Variants in DFFB observed in about 807,000 individuals in gnomAD.
DFFB encodes DNA fragmentation factor 40 kDa subunit.
In DFFB, 29 loss-of-function variants were observed where a neutral mutation model predicts 32.7. That is an observed-to-expected ratio of 0.89 (90% CI 0.66 to 1.21). DFFB has a LOEUF of 1.21. Among genes scored for constraint, DFFB ranks in the 50% most tolerant of loss-of-function variants. The pLI, the probability that DFFB is intolerant of heterozygous loss-of-function variation, is 0.00. For missense variants in DFFB, 398 were observed against 440.6 expected, an observed-to-expected ratio of 0.90 and a Z score of 0.87; for synonymous variants, 170 against 177.1, an observed-to-expected ratio of 0.96 and a Z score of 0.32.
chr1:3,866,894 C>A (rs1333087643), intron 3 of DFFB, among the ~76,000 whole-genome samples: 1 of 152,060 alleles, frequency 6.6e-6, no homozygotes, highest in Non-Finnish European at 1.5e-5. Flanking sequence ...TAGCGTATAT[C>A]AAAAGTTCTT....
intron 6 of DFFB, among the ~76,000 whole-genome samples, chr1:3,877,257 G>A (rs1384135184): frequency 6.6e-6 from 1 of 150,632 alleles, no homozygotes; most frequent in African/African-American, 2.5e-5. Flanking sequence ...ATTTGTTCGT[G>A]TCTCTTTTGT....
intron 6 of DFFB, among the ~76,000 whole-genome samples, chr1:3,882,912 T>C (rs544308656): frequency 6.6e-5 from 10 of 152,096 alleles, no homozygotes; most frequent in African/African-American, 1.9e-4. Flanking sequence ...GTTAAGCCAG[T>C]TGTTGATGGT....
intron 2 of DFFB, among the ~76,000 whole-genome samples, chr1:3,863,350 C>G (rs1644914100): frequency 6.6e-6 from 1 of 152,154 alleles, no homozygotes. Context: ...ACTTCACACC[C>G]ACTAGGATAA....
intron 6 of DFFB, among the ~76,000 whole-genome samples, chr1:3,876,097 T>C (rs1186128016): frequency 6.6e-6 from 1 of 152,220 alleles, no homozygotes; most frequent in Non-Finnish European, 1.5e-5. Flanking sequence ...TTTTCAGTGT[T>C]AATGTGCTCA....
At chr1:3,883,203 C>T (rs1485931457) in intron 6 of DFFB, among the ~76,000 whole-genome samples, 1 of 152,134 alleles carries the variant, frequency 6.6e-6, no homozygotes. Context: ...TGGGGTTTCA[C>T]TATGTTGGCC....
rs978966260 is a variant in DFFB, at chr1:3,866,662, C to T, written c.430+662C>T. On this transcript the variant is annotated intron_variant, in intron 3 of 6. Coordinates refer to ENST00000378209, the MANE Select transcript of DFFB (RefSeq NM_004402.4). The stretch of plus-strand genomic sequence containing the variant: ...TCACATTGTATGCGGCCATCCCCAC[C>T]GTCATCTCCGGAACTCCTTCCACCT... Among the ~76,000 whole-genome samples, 9 of 152,298 alleles carry T rather than the reference C, an allele frequency of 5.9e-5. No homozygotes were observed. In the East Asian group the frequency reaches 9.6e-4, roughly 16 times the overall value.
At chr1:3,877,431 C>T (rs1299026139) in intron 6 of DFFB, among the ~76,000 whole-genome samples, 6 of 149,102 alleles carry the variant, frequency 4.0e-5, no homozygotes, top group Non-Finnish European at 8.9e-5. Context: ...CAGGTTCAAG[C>T]GGTTTTTCAT....
intron 3 of DFFB, chr1:3,867,521 G>A (rs1645008607): frequency 6.3e-6 from 1 of 157,510 alleles, no homozygotes; most frequent in South Asian, 1.8e-4. Flanking sequence ...AAACCAAACA[G>A]GGATGCTGTC....
rs1050142871 is a variant in DFFB at position 3,876,025 on chromosome 1, A to C, written c.782+3453A>C. Among the ~76,000 whole-genome samples, 2 of 152,108 alleles carry C rather than the reference A, an allele frequency of 1.3e-5. 1 individual carries two copies. ...AACTCTGACCTCAGGTGATCTGCCCACCTTGGCTTTCCAAAGTGCTGAGAT... is the reference window on the plus strand; with the variant it reads ...AACTCTGACCTCAGGTGATCTGCCCCCCTTGGCTTTCCAAAGTGCTGAGAT... On this transcript the variant is annotated intron_variant, in intron 6 of 6. Coordinates refer to ENST00000378209, the MANE Select transcript of DFFB (RefSeq NM_004402.4).
intron 5 of DFFB, among the ~76,000 whole-genome samples, chr1:3,870,666 A>G (rs1332927850): frequency 1.3e-5 from 2 of 152,174 alleles, no homozygotes; most frequent in African/African-American, 2.4e-5. Context: ...TGAGCGAGAC[A>G]GAGGAGGCCA....
chr1:3,883,855 G>A lies in DFFB; in HGVS notation c.*114G>A, dbSNP rs1346827066. 4.4e-5 allele frequency: 33 copies of A among 746,992 alleles called. No homozygotes were observed. The highest frequency in any genetic ancestry group is 7.1e-5 in the Non-Finnish European group (32 of 451,954). The allele number at this position is 746,992 out of a possible 1,614,324, so 46.3% of individuals were successfully genotyped here. On this transcript the variant is annotated 3_prime_UTR_variant, in exon 7 of 7. Transcript: ENST00000378209. ...TTTTTGGTCACTCCAGTAGCTCCTGGAAAAAACCTTAAAAAATGTTTCCTC... is the reference window on the plus strand; with the variant it reads ...TTTTTGGTCACTCCAGTAGCTCCTGAAAAAAACCTTAAAAAATGTTTCCTC...
chr1:3,861,410 T>C lies in DFFB; in HGVS notation c.241+2566T>C, dbSNP rs1395432924. The stretch of plus-strand genomic sequence containing the variant: ...CAAATGAAGCTGCTCTGGCCAATTA[T>C]GTACAAGTTTTTCTTTTTTCTTTCT... On this transcript the variant is annotated intron_variant, in intron 2 of 6. Coordinates refer to ENST00000378209, the MANE Select transcript of DFFB (RefSeq NM_004402.4). 3.3e-5 allele frequency among the ~76,000 whole-genome samples: 5 copies of C among 152,152 alleles called. No homozygotes were observed. The East Asian group carries it at 7.7e-4, about 23-fold the overall frequency.
In DFFB at chr1:3,869,746, T is replaced by C; in HGVS notation, c.652T>C (p.Cys218Arg). Residue 218 changes from cysteine (C) to arginine (R), a missense_variant, in exon 5 of 7, where the codon TGC becomes CGC. Coordinates refer to ENST00000378209, the MANE Select transcript of DFFB (RefSeq NM_004402.4). Reference protein sequence around the residue: ...DRGAKGGSRLCTPEGWFSCQG... With the variant: ...DRGAKGGSRLRTPEGWFSCQG... Reference sequence around the variant, plus strand: ...AGGAGCCAAGGGCGGCAGCCGCCTCTGCACACCGGAAGGCTGGTTCTCCTG... The same window carrying C: ...AGGAGCCAAGGGCGGCAGCCGCCTCCGCACACCGGAAGGCTGGTTCTCCTG... 1 of 1,609,992 alleles carries C rather than the reference T, an allele frequency of 6.2e-7. No individual in the cohort carries two copies. The highest frequency in any genetic ancestry group is 8.5e-7 in the Non-Finnish European group (1 of 1,177,218).
rs930835970 is a variant in DFFB, at chr1:3,883,919, T to C, written c.*178T>C. 7.7e-5 allele frequency: 47 copies of C among 608,710 alleles called. No homozygotes were observed. Among genetic ancestry groups the C allele is most frequent in the Non-Finnish European group, 1.2e-4 (43 of 347,894 alleles). 37.7% of individuals were successfully genotyped at this position (608,710 alleles called of 1,614,324 possible). On this transcript the variant is annotated 3_prime_UTR_variant, in exon 7 of 7. Transcript: ENST00000378209. ...ATTACATTTCTGAATTGTTGGGGTT[T>C]TTTTTGTTGTTTTGTTTTGTTTTGT...
At chr1:3,869,846 G>T in intron 5 of DFFB, 71 bp downstream of exon 5, 1 of 1,471,218 alleles carries the variant, frequency 6.8e-7, no homozygotes, top group East Asian at 2.4e-5. Context: ...GGGGCGAGGC[G>T]GGTGGGGACC....
At chr1:3,869,349 C>T (rs1645062961) in intron 4 of DFFB, among the ~76,000 whole-genome samples, 1 of 152,252 alleles carries the variant, frequency 6.6e-6, no homozygotes. Flanking sequence ...ACGTGAGCCA[C>T]CACACCCAGC....
chr1:3,869,421 G>A (rs1049269658), intron 4 of DFFB, among the ~76,000 whole-genome samples, 184 bp from the exon 5 acceptor site: 1 of 152,170 alleles, frequency 6.6e-6, no homozygotes, highest in African/African-American at 2.4e-5. Flanking sequence ...CATTTCACAG[G>A]TCAGAGTCTC....
intron 6 of DFFB, among the ~76,000 whole-genome samples, chr1:3,877,328 G>GTTT (rs5772128): frequency 0.028 from 3,182 of 113,848 alleles, 261 homozygotes; most frequent in East Asian, 0.14. Flanking sequence ...TGGGAGTTCA[G>GTTT]TTTTTTTTTT....
At chr1:3,880,619 G>A (rs1178828854) in intron 6 of DFFB, among the ~76,000 whole-genome samples, 1 of 152,172 alleles carries the variant, frequency 6.6e-6, no homozygotes, top group African/African-American at 2.4e-5. Flanking sequence ...CCTGGAGCTC[G>A]CTTCAGTGGG....
Sources: allele counts gnomAD v4.1 joint callset (sites outside exome capture counted in the v4.1 genomes callset), GRCh38; gene constraint gnomAD v4.1.1; transcripts MANE v1.5; gene names NCBI Gene and HGNC (gene_info 2026-07-23, HGNC 2026-07-21).